The following AHI1 variants were observed in gnomAD, a reference collection of about 807,000 sequenced individuals.
AHI1 encodes the protein jouberin.
AHI1 carries 123 observed loss-of-function variants against 149.3 expected under a neutral mutation model. The observed-to-expected ratio is 0.82, with a 90% CI of 0.71 to 0.96. The LOEUF (loss-of-function observed/expected upper bound fraction) is 0.96. Ranked by LOEUF, AHI1 falls within the 40% of genes least tolerant of loss-of-function variation. AHI1 has a pLI of 0.00. For synonymous variants in AHI1, 475 were observed against 459.8 expected (o/e 1.03, Z -0.42); for missense variants, 1,439 against 1,422.7 (o/e 1.01, Z -0.18).
intron 27 of AHI1, among the ~76,000 whole-genome samples, chr6:135,299,841 A>C (rs1783627265): frequency 6.6e-6 from 1 of 152,192 alleles, no homozygotes; most frequent in Non-Finnish European, 1.5e-5. Context: ...TTAATGCTTC[A>C]AAAAAGGCAT....
chr6:135,459,362 T>C (rs1326483485), intron 8 of AHI1, among the ~76,000 whole-genome samples: 2 of 152,148 alleles, frequency 1.3e-5, no homozygotes, highest in East Asian at 1.9e-4. Context: ...GCAGGTAAAG[T>C]AGTACTTAAA....
intron 5 of AHI1, among the ~76,000 whole-genome samples, chr6:135,471,904 G>T (rs936906904): frequency 6.6e-6 from 1 of 150,962 alleles, no homozygotes; most frequent in African/African-American, 2.4e-5. Flanking sequence ...CCCAGCTACT[G>T]GGGAGGCTGA....
chr6:135,331,428 C>T (rs1006746058), intron 24 of AHI1, among the ~76,000 whole-genome samples: 4 of 152,170 alleles, frequency 2.6e-5, no homozygotes, highest in African/African-American at 9.7e-5. Context: ...TATTTTCACT[C>T]TTTTCCAGCA....
chr6:135,310,841 T>C (rs1299880589), intron 26 of AHI1, among the ~76,000 whole-genome samples: 1 of 152,102 alleles, frequency 6.6e-6, no homozygotes, highest in Non-Finnish European at 1.5e-5. Flanking sequence ...GTTGAAACAC[T>C]AATAGAAGGT....
intron 14 of AHI1, among the ~76,000 whole-genome samples, chr6:135,441,635 A>G (rs1786317186): frequency 6.6e-6 from 1 of 152,118 alleles, no homozygotes; most frequent in African/African-American, 2.4e-5. Flanking sequence ...TTATCACAGA[A>G]GCTTTTAAAA....
intron 24 of AHI1, among the ~76,000 whole-genome samples, chr6:135,327,012 G>C (rs1392235107): frequency 6.6e-6 from 1 of 152,146 alleles, no homozygotes; most frequent in African/African-American, 2.4e-5. Context: ...TTGTTCGTGA[G>C]TTACTTCACT....
chr6:135,461,226 A>G (rs1789831344), intron 8 of AHI1, among the ~76,000 whole-genome samples: 1 of 152,070 alleles, frequency 6.6e-6, no homozygotes, highest in Non-Finnish European at 1.5e-5. Context: ...TCAATTAGAA[A>G]AAGACAATTC....
chr6:135,465,635 C>T (rs1026519375), intron 7 of AHI1, among the ~76,000 whole-genome samples, 179 bp downstream of exon 7: 2 of 152,118 alleles, frequency 1.3e-5, no homozygotes, highest in African/African-American at 2.4e-5. Context: ...AGTTAATTCT[C>T]GTAAAGCACC....
At chr6:135,390,858 G>C (rs1778383179) in intron 23 of AHI1, among the ~76,000 whole-genome samples, 1 of 152,156 alleles carries the variant, frequency 6.6e-6, no homozygotes. Context: ...TCATACAAAT[G>C]CAAGTTGCTG....
chr6:135,338,084 G>A (rs1490914521), intron 24 of AHI1, among the ~76,000 whole-genome samples: 1 of 152,090 alleles, frequency 6.6e-6, no homozygotes, highest in Non-Finnish European at 1.5e-5. Context: ...GATCACCTGA[G>A]GTCAGGAGTT....
At chr6:135,362,693 C>T (rs988323451) in intron 23 of AHI1, among the ~76,000 whole-genome samples, 2 of 152,066 alleles carry the variant, frequency 1.3e-5, no homozygotes, top group Non-Finnish European at 2.9e-5. Context: ...TATGCATGTC[C>T]TTAGCCCACT....
In AHI1 at chr6:135,429,995, A is replaced by G; in HGVS notation, c.2379T>C (p.Ile793=). Residue 793 remains isoleucine (I), a synonymous_variant, in exon 18 of 29, where the codon ATT becomes ATC. Transcript: ENST00000265602. ...GAATTCCCTTAAACTCAGTTTCTTT[A>G]ATTTCCTAAAATGATTAAAAAAAAT... ...SVHHWTINKE[I]KETEFKGIPI... is the part of the protein sequence containing the mutation. 6.6e-7 allele frequency: 1 copy of G among 1,505,852 alleles called. No homozygotes were observed. Among genetic ancestry groups the G allele is most frequent in the Non-Finnish European group, 9.0e-7 (1 of 1,108,288 alleles). The allele number at this position is 1,505,852 out of a possible 1,614,324, so 93.3% of individuals were successfully genotyped here.
rs2128024688 is a variant in AHI1, at chr6:135,433,851, C to T, written c.2037-595G>A. Among the ~76,000 whole-genome samples the T allele has an allele frequency of 1.3e-5, 2 of 152,082 alleles. 1 individual carries two copies. The highest frequency in any genetic ancestry group is 4.1e-4 in the South Asian group (2 of 4,820). On this transcript the variant is annotated intron_variant, in intron 15 of 28. Transcript: ENST00000265602. ...CATTTTGATAGAAAAGACTATCCTA[C>T]ATTAAGCACGTTCTTTTTGTTTAAC...
chr6:135,416,345 T>C (rs1782374769), intron 20 of AHI1, among the ~76,000 whole-genome samples: 1 of 148,218 alleles, frequency 6.7e-6, no homozygotes, highest in Non-Finnish European at 1.5e-5. Flanking sequence ...TAATTAGTAA[T>C]AAAAATGCAA....
chr6:135,455,333 G>A (rs945616291), intron 10 of AHI1, among the ~76,000 whole-genome samples: 1 of 152,122 alleles, frequency 6.6e-6, no homozygotes, highest in Non-Finnish European at 1.5e-5. Context: ...ACTGATCTGT[G>A]TACATTTATC....
At chr6:135,288,064 C>T (rs538507138) in intron 28 of AHI1, among the ~76,000 whole-genome samples, 1 of 152,084 alleles carries the variant, frequency 6.6e-6, no homozygotes, top group Non-Finnish European at 1.5e-5. Context: ...CATTGCAGTC[C>T]AGCCTGGGCA....
chr6:135,367,796 C>T (rs564164366), intron 23 of AHI1, among the ~76,000 whole-genome samples: 2 of 152,224 alleles, frequency 1.3e-5, no homozygotes, highest in Non-Finnish European at 2.9e-5. Flanking sequence ...ATTCACCTTT[C>T]TCTGGTGCCT....
chr6:135,473,307 T>G (rs1009010228), intron 5 of AHI1, among the ~76,000 whole-genome samples: 1 of 152,178 alleles, frequency 6.6e-6, no homozygotes, highest in Non-Finnish European at 1.5e-5. Flanking sequence ...CTGATTTATA[T>G]GCCTATCTTT....
chr6:135,304,641 GGCA>G lies in AHI1; in HGVS notation c.3427-4086_3427-4084del, dbSNP rs374260552. Among the ~76,000 whole-genome samples the G allele has an allele frequency of 1.8e-3, 267 of 152,080 alleles. 2 individuals are homozygous for G. Among genetic ancestry groups the G allele is most frequent in the African/African-American group, 6.0e-3 (250 of 41,482 alleles). ...CAAAAATTAGCCGGGTGTGGTGGCG[GGCA>G]CCTGTAATCCCAGTTACTCGGGAGG... On this transcript the variant is annotated intron_variant, in intron 26 of 28. Coordinates refer to ENST00000265602, the MANE Select transcript of AHI1 (RefSeq NM_001134831.2).
Sources: gnomAD v4.1 joint callset for allele counts (sites outside exome capture counted in the v4.1 genomes callset) on GRCh38, gnomAD v4.1.1 for gene constraint, MANE v1.5 for transcripts, NCBI Gene and HGNC (gene_info 2026-07-23, HGNC 2026-07-21) for gene names.